Variants in TSPAN18 observed in about 807,000 individuals in gnomAD.
The protein encoded by TSPAN18 is tetraspanin-18.
TSPAN18 carries 14 observed loss-of-function variants against 27.3 expected under a neutral mutation model. The ratio of observed to expected loss-of-function variants is 0.51; its 90% confidence interval spans 0.34 to 0.80. The LOEUF (loss-of-function observed/expected upper bound fraction) is 0.80, where lower values mean the gene tolerates loss of function less well. Ranked by LOEUF, TSPAN18 falls within the 30% of genes least tolerant of loss-of-function variation. The pLI is 0.01. For missense variants in TSPAN18, 268 were observed against 323.9 expected (o/e 0.83, Z 1.32); for synonymous variants, 143 against 136.5 (o/e 1.05, Z -0.33).
chr11:44,733,600 T>TTC (rs10693242), intron 1 of TSPAN18, among the ~76,000 whole-genome samples: 103,424 of 151,926 alleles, frequency 0.68, 37,972 homozygotes, highest in Non-Finnish European at 0.84. Flanking sequence ...AGTATCTGTA[T>TTC]TCATTTTATG....
At chr11:44,781,080 G>A (rs1480878263) in intron 2 of TSPAN18, among the ~76,000 whole-genome samples, 1 of 152,256 alleles carries the variant, frequency 6.6e-6, no homozygotes, top group Non-Finnish European at 1.5e-5. Context: ...TTTCTGCAGA[G>A]GGCCGGAGGA....
At chr11:44,882,352 C>T (rs1391088631) in intron 3 of TSPAN18, among the ~76,000 whole-genome samples, 1 of 152,108 alleles carries the variant, frequency 6.6e-6, no homozygotes, top group Non-Finnish European at 1.5e-5. Context: ...GCCCCTGCTC[C>T]CAGCGGGTCT....
intron 3 of TSPAN18, among the ~76,000 whole-genome samples, chr11:44,871,502 C>G (rs1858195333): frequency 6.6e-6 from 1 of 152,212 alleles, no homozygotes; most frequent in African/African-American, 2.4e-5. Flanking sequence ...TTCTTCCCCA[C>G]ACATCACCAG....
chr11:44,926,195 C>T (rs1860346317), intron 8 of TSPAN18, among the ~76,000 whole-genome samples: 2 of 152,056 alleles, frequency 1.3e-5, no homozygotes, highest in South Asian at 4.1e-4. Context: ...TCACGAGGAA[C>T]AGTAGAGCGA....
intron 3 of TSPAN18, among the ~76,000 whole-genome samples, chr11:44,861,793 TCACACACACACACACACACACACA>T (rs56816197): frequency 9.1e-5 from 12 of 132,146 alleles, no homozygotes; most frequent in Middle Eastern, 3.7e-3. Context: ...AGCCCAAATT[TCACACACACACACACACACACACA>T]CACACACACA....
At chr11:44,862,176 A>G (rs1397868677) in intron 3 of TSPAN18, among the ~76,000 whole-genome samples, 1 of 152,176 alleles carries the variant, frequency 6.6e-6, no homozygotes, top group Non-Finnish European at 1.5e-5. Context: ...GGTTGAGTGG[A>G]AGCTCCGTCT....
At chr11:44,800,959 C>A (rs745615064) in intron 2 of TSPAN18, among the ~76,000 whole-genome samples, 1 of 152,158 alleles carries the variant, frequency 6.6e-6, no homozygotes, top group African/African-American at 2.4e-5. Flanking sequence ...CAGCCCAGAG[C>A]TGCACAGTCT....
chr11:44,867,355 G>A (rs556737882), intron 3 of TSPAN18, among the ~76,000 whole-genome samples: 1 of 151,936 alleles, frequency 6.6e-6, no homozygotes, highest in Admixed American at 6.6e-5. Flanking sequence ...CGCTGGGGAA[G>A]GGGGAGGTAC....
chr11:44,892,160 A>G (rs1006000785), intron 3 of TSPAN18, among the ~76,000 whole-genome samples: 5 of 152,118 alleles, frequency 3.3e-5, no homozygotes, highest in Non-Finnish European at 7.4e-5. Context: ...ATCTCCCAGA[A>G]CTGGGGTTTC....
intron 2 of TSPAN18, among the ~76,000 whole-genome samples, chr11:44,826,144 C>T (rs1277279721): frequency 2.6e-5 from 4 of 152,222 alleles, no homozygotes; most frequent in African/African-American, 4.8e-5. Context: ...AAAGAAGGGC[C>T]GGACGTGGTG....
chr11:44,861,021 A>T (rs905049070), intron 3 of TSPAN18, among the ~76,000 whole-genome samples: 2 of 152,136 alleles, frequency 1.3e-5, no homozygotes, highest in African/African-American at 2.4e-5. Context: ...TCCAAATAAT[A>T]TATTTGGGGC....
At position 44,803,365 on chromosome 11, in the gene TSPAN18, G is replaced by A. The variant is rs190087264; in HGVS notation, c.-153+38853G>A. On this transcript the variant is annotated intron_variant, in intron 2 of 9. Transcript: ENST00000520358. The stretch of plus-strand genomic sequence containing the variant: ...GGGGGGGCATTTTTTCAGCAAAGAA[G>A]GTATCCTCCCTTCGGGTGGGGATTC... Among the ~76,000 whole-genome samples the A allele has an allele frequency of 1.1e-3, 171 of 152,264 alleles. 1 individual carries two copies. Among genetic ancestry groups the A allele is most frequent in the African/African-American group, 4.0e-3 (167 of 41,540 alleles).
intron 2 of TSPAN18, among the ~76,000 whole-genome samples, chr11:44,845,276 C>T (rs1371680051): frequency 6.6e-6 from 1 of 152,228 alleles, no homozygotes; most frequent in Admixed American, 6.5e-5. Context: ...TGATTTGCCC[C>T]TCTGAGCCTC....
intron 1 of TSPAN18, among the ~76,000 whole-genome samples, chr11:44,737,473 A>T (rs1205594502): frequency 6.6e-6 from 1 of 152,190 alleles, no homozygotes; most frequent in African/African-American, 2.4e-5. Flanking sequence ...TGATAAATCA[A>T]TAGGCGTACC....
chr11:44,847,726 T>G (rs1321890289), intron 2 of TSPAN18, among the ~76,000 whole-genome samples: 1 of 152,174 alleles, frequency 6.6e-6, no homozygotes, highest in East Asian at 1.9e-4. Flanking sequence ...CTTCTACACC[T>G]GCAGAATGGA....
chr11:44,752,832 C>G (rs1424208195), intron 1 of TSPAN18, among the ~76,000 whole-genome samples: 3 of 152,130 alleles, frequency 2.0e-5, no homozygotes, highest in Non-Finnish European at 4.4e-5. Context: ...GGTTAATGCC[C>G]TATAAGGCAG....
At chr11:44,888,572 A>C (rs1305290644) in intron 3 of TSPAN18, among the ~76,000 whole-genome samples, 1 of 152,100 alleles carries the variant, frequency 6.6e-6, no homozygotes, top group Non-Finnish European at 1.5e-5. Flanking sequence ...GTCCAGAGTC[A>C]CCTTTCCCTG....
At chr11:44,771,080 G>C (rs1015685286) in intron 2 of TSPAN18, among the ~76,000 whole-genome samples, 1 of 152,188 alleles carries the variant, frequency 6.6e-6, no homozygotes, top group Admixed American at 6.5e-5. Flanking sequence ...TCAGCTTATA[G>C]AGAGTATTTC....
At chr11:44,816,211 C>T (rs943890129) in intron 2 of TSPAN18, among the ~76,000 whole-genome samples, 1 of 152,198 alleles carries the variant, frequency 6.6e-6, no homozygotes, top group Non-Finnish European at 1.5e-5. Flanking sequence ...GTGCACGGAG[C>T]TCCCTTCCAG....
Sources: gnomAD v4.1 joint callset for allele counts (sites outside exome capture counted in the v4.1 genomes callset) on GRCh38, gnomAD v4.1.1 for gene constraint, MANE v1.5 for transcripts, NCBI Gene and HGNC (gene_info 2026-07-23, HGNC 2026-07-21) for gene names.